Variants in DUS2 observed in about 807,000 individuals in gnomAD.
The protein encoded by DUS2 is dihydrouridine synthase 2.
Under a neutral mutation model 71.3 loss-of-function variants are expected in DUS2, and 52 were observed. The observed-to-expected ratio is 0.73, with a 90% CI of 0.58 to 0.92. DUS2 has a LOEUF of 0.92. Among genes scored for constraint, DUS2 ranks in the 40% least tolerant of loss-of-function variants. The pLI, the probability that DUS2 is intolerant of heterozygous loss-of-function variation, is 0.00. For synonymous variants in DUS2, 204 were observed against 227.8 expected, an observed-to-expected ratio of 0.90 and a Z score of 0.94; for missense variants, 558 against 622.6, an observed-to-expected ratio of 0.90 and a Z score of 1.10.
At chr16:68,073,535 C>A (rs999061673) in intron 12 of DUS2, among the ~76,000 whole-genome samples, 3 of 150,558 alleles carry the variant, frequency 2.0e-5, no homozygotes, top group African/African-American at 7.4e-5. Context: ...CCGCAACCTT[C>A]GCCTCCAGGG....
intron 3 of DUS2, among the ~76,000 whole-genome samples, chr16:68,046,865 G>A (rs983202258): frequency 2.6e-5 from 4 of 151,624 alleles, no homozygotes; most frequent in Admixed American, 6.6e-5. Context: ...TCCTGCCTCA[G>A]CCTCCGGAGC....
intron 2 of DUS2, among the ~76,000 whole-genome samples, chr16:68,027,324 C>T (rs1306975817): frequency 2.0e-5 from 3 of 151,920 alleles, no homozygotes; most frequent in East Asian, 1.9e-4. Context: ...CTGTGACCTC[C>T]GCCTCCCGGG....
Position 68,038,091 on chromosome 16 carries a change from G to A in DUS2, c.68G>A (p.Gly23Glu). The change falls in exon 3 of 17, where the codon GGG (glycine) becomes GAG (glutamate). Residue 23 changes from glycine to glutamate, a missense_variant. Physicochemically the swap from Gly to Glu is moderately conservative, Grantham distance 98. Transcript: ENST00000565263. Reference protein sequence around the residue: ...KLILAPMVRVGTLPMRLLALD... With the variant: ...KLILAPMVRVETLPMRLLALD... ...ATCCTGGCCCCAATGGTTCGGGTAG[G>A]GACTCTTCCAATGAGGCTGCTGGCC... 6.2e-7 allele frequency: 1 copy of A among 1,613,852 alleles called. No homozygotes were observed. Among genetic ancestry groups the A allele is most frequent in the South Asian group, 1.1e-5 (1 of 91,060 alleles).
chr16:68,069,245 G>T (rs2034051519), intron 10 of DUS2, among the ~76,000 whole-genome samples: 1 of 152,082 alleles, frequency 6.6e-6, no homozygotes, highest in Admixed American at 6.6e-5. Context: ...TACAAAATTA[G>T]CTAGGCATGG....
chr16:68,066,189 A>G (rs1473075337), intron 8 of DUS2, 128 bp from the exon 9 acceptor site: 7 of 828,812 alleles, frequency 8.4e-6, no homozygotes, highest in South Asian at 7.1e-5. Context: ...AGACACACAC[A>G]TGCATTCACA....
chr16:68,060,325 T>C (rs1416421483), intron 7 of DUS2, among the ~76,000 whole-genome samples: 1 of 152,130 alleles, frequency 6.6e-6, no homozygotes, highest in Non-Finnish European at 1.5e-5. Context: ...TGTTTGTTTG[T>C]TTGTTTGAGA....
In DUS2 at chr16:68,079,232, C is replaced by G. The variant is rs1272957820; in HGVS notation, c.*246C>G. 4.9e-6 allele frequency: 2 copies of G among 409,928 alleles called. No individual in the cohort carries two copies. Among genetic ancestry groups the G allele is most frequent in the Non-Finnish European group, 8.7e-6 (2 of 229,258 alleles). 25.4% of individuals were successfully genotyped at this position (409,928 alleles called of 1,614,324 possible). A position where few individuals can be genotyped will look rare whatever the true frequency, so the allele number is the denominator to read the frequency against. On this transcript the variant is annotated 3_prime_UTR_variant, in exon 17 of 17. Coordinates refer to ENST00000565263, the MANE Select transcript of DUS2 (RefSeq NM_017803.5). ...AAAACAGGAGCTTTTCAGGTGGTAA[C>G]TCCCCAACCTGACATTGGTACTGTG... is the stretch of plus-strand genomic sequence containing the variant.
At chr16:68,049,651 A>G (rs994403346) in intron 4 of DUS2, 101 bp downstream of exon 4, 8 of 1,081,446 alleles carry the variant, frequency 7.4e-6, no homozygotes, top group East Asian at 7.1e-5. Flanking sequence ...GCCTGGCTTC[A>G]TTGAGTAATT....
At chr16:68,036,058 G>A (rs1224942777) in intron 2 of DUS2, among the ~76,000 whole-genome samples, 3 of 150,192 alleles carry the variant, frequency 2.0e-5, no homozygotes, top group Admixed American at 1.3e-4. Flanking sequence ...GTGCAATGGC[G>A]CGATCTTGGC....
chr16:68,036,783 A>G (rs1335247178), intron 2 of DUS2, among the ~76,000 whole-genome samples: 1 of 152,088 alleles, frequency 6.6e-6, no homozygotes, highest in Non-Finnish European at 1.5e-5. Flanking sequence ...CTGTTCCTCT[A>G]ACACAGTAGG....
At chr16:68,063,476 A>G (rs1453254493) in intron 8 of DUS2, among the ~76,000 whole-genome samples, 1 of 152,238 alleles carries the variant, frequency 6.6e-6, no homozygotes, top group East Asian at 1.9e-4. Flanking sequence ...TGGTGGTTGT[A>G]CAACATTGTG....
At chr16:68,044,306 A>C (rs2033671060) in intron 3 of DUS2, among the ~76,000 whole-genome samples, 1 of 152,064 alleles carries the variant, frequency 6.6e-6, no homozygotes, top group Admixed American at 6.6e-5. Context: ...TTGAATCTGT[A>C]GATTAGTTTA....
chr16:68,074,256 C>T, intron 13 of DUS2, 101 bp downstream of exon 13: 3 of 1,458,246 alleles, frequency 2.1e-6, no homozygotes, highest in Non-Finnish European at 2.8e-6. Flanking sequence ...GACACAGCTT[C>T]TGGATGTAGA....
chr16:68,050,299 G>A (rs1255889552), intron 4 of DUS2, among the ~76,000 whole-genome samples: 4 of 151,966 alleles, frequency 2.6e-5, no homozygotes, highest in East Asian at 1.9e-4. Context: ...CACCACACCC[G>A]GCTAATTTTT....
chr16:68,043,301 G>A (rs550110695), intron 3 of DUS2, among the ~76,000 whole-genome samples: 2 of 152,258 alleles, frequency 1.3e-5, no homozygotes, highest in East Asian at 1.9e-4. Flanking sequence ...AGCTACTGGG[G>A]AGGCTGAGAC....
At chr16:68,027,068 G>A (rs964610453) in intron 2 of DUS2, 3 of 152,136 alleles carry the variant, frequency 2.0e-5, no homozygotes, top group African/African-American at 4.8e-5. Flanking sequence ...CAAAGGGCTT[G>A]TAGTCCTTTA....
At chr16:68,031,157 G>A (rs918940384) in intron 2 of DUS2, among the ~76,000 whole-genome samples, 4 of 152,002 alleles carry the variant, frequency 2.6e-5, no homozygotes, top group Non-Finnish European at 5.9e-5. Flanking sequence ...GATCCTCTAG[G>A]AAACTCATGA....
chr16:68,032,800 G>A (rs1432409501), intron 2 of DUS2, among the ~76,000 whole-genome samples: 3 of 149,084 alleles, frequency 2.0e-5, no homozygotes, highest in Non-Finnish European at 3.0e-5. Flanking sequence ...TGTAATCCCA[G>A]CTACTCGGGA....
At chr16:68,057,217 T>G (rs2033872012) in intron 7 of DUS2, among the ~76,000 whole-genome samples, 1 of 143,290 alleles carries the variant, frequency 7.0e-6, no homozygotes, top group African/African-American at 2.6e-5. Context: ...TGTATATAAT[T>G]GTGTATGTGT....
Sources: gnomAD v4.1 joint callset for allele counts (sites outside exome capture counted in the v4.1 genomes callset) on GRCh38, gnomAD v4.1.1 for gene constraint, MANE v1.5 for transcripts, NCBI Gene and HGNC (gene_info 2026-07-23, HGNC 2026-07-21) for gene names.